The following STC1 variants were observed in gnomAD, a reference collection of about 807,000 sequenced individuals.
STC1 encodes the protein stanniocalcin-1.
Under a neutral mutation model 22.6 loss-of-function variants are expected in STC1, and 7 were observed. The ratio of observed to expected loss-of-function variants is 0.31; its 90% CI spans 0.18 to 0.58. STC1 has a LOEUF of 0.58. Among genes scored for constraint, STC1 ranks in the 20% least tolerant of loss-of-function variants. The pLI is 0.89. For missense variants in STC1, 224 were observed against 311.0 expected (o/e 0.72, Z 2.10); for synonymous variants, 113 against 120.7 (o/e 0.94, Z 0.42).
At chr8:23,847,077 T>C (rs1802582257) in intron 3 of STC1, among the ~76,000 whole-genome samples, 2 of 152,218 alleles carry the variant, frequency 1.3e-5, no homozygotes, top group African/African-American at 4.8e-5. Context: ...CCCTTCCATT[T>C]CTAGAAAGAG....
In STC1 at chr8:23,852,263, G is replaced by C; in HGVS notation, c.240C>G (p.Ser80Arg). 2.5e-6 allele frequency: 4 copies of C among 1,614,160 alleles called. No individual in the cohort carries two copies. The highest frequency in any genetic ancestry group is 3.4e-6 in the Non-Finnish European group (4 of 1,180,034). The change falls in exon 2 of 4, where the codon AGC (serine) becomes AGG (arginine). Residue 80 changes from serine to arginine, a missense_variant. Coordinates refer to ENST00000290271, the MANE Select transcript of STC1 (RefSeq NM_003155.3). ...MYDICKSFLY[S>R]AAKFDTQGKA... ...TTACCTGAGTGTCAAATTTAGCAGC[G>C]CTGTACAAGAAGGATTTACAGATGT... is the stretch of plus-strand genomic sequence containing the variant.
intron 3 of STC1, among the ~76,000 whole-genome samples, chr8:23,848,919 T>C (rs1320035371): frequency 6.6e-6 from 1 of 152,246 alleles, no homozygotes; most frequent in South Asian, 2.1e-4. Context: ...ACTCTGGATC[T>C]GGGTTGGTCT....
intron 3 of STC1, among the ~76,000 whole-genome samples, chr8:23,846,864 A>G (rs1245857392): frequency 6.6e-6 from 1 of 152,218 alleles, no homozygotes; most frequent in Admixed American, 6.5e-5. Flanking sequence ...CCAGTTTTGG[A>G]GAAACATAGA....
chr8:23,851,234 A>G, intron 3 of STC1, 86 bp downstream of exon 3: 1 of 1,332,336 alleles, frequency 7.5e-7, no homozygotes, highest in Non-Finnish European at 1.1e-6. Flanking sequence ...GACTGTGGCA[A>G]TTTAACCCTC....
At chr8:23,851,659 T>TCTTCTCATTGCAAG in intron 2 of STC1, 128 bp from the exon 3 acceptor site, 2 of 720,062 alleles carry the variant, frequency 2.8e-6, no homozygotes, top group Non-Finnish European at 4.6e-6. Flanking sequence ...ATCCTTGCAA[T>TCTTCTCATTGCAAG]GAGAAGATTG....
Position 23,845,033 on chromosome 8 carries a change from T to G in STC1, c.481A>C (p.Asn161His), listed in dbSNP as rs771067657. ...TCCAGCAGGCTTCGGACAAGTCTGT[T>G]ATAGTATCTGCATCAAGAAAGAGAG... The part of the protein sequence containing the change: ...LPNHFSNRYY[N>H]RLVRSLLECD... Residue 161 changes from asparagine to histidine, a missense_variant, in exon 4 of 4, where the codon AAC becomes CAC. Transcript: ENST00000290271. The G allele has an allele frequency of 6.2e-7, 1 of 1,613,962 alleles. No individual in the cohort carries two copies. Among genetic ancestry groups the G allele is most frequent in the Non-Finnish European group, 8.5e-7 (1 of 1,179,900 alleles).
chr8:23,851,384 T>C lies in STC1; in HGVS notation c.409A>G (p.Ile137Val). 6.2e-7 allele frequency: 1 copy of C among 1,614,192 alleles called. No homozygotes were observed. The highest frequency in any genetic ancestry group is 8.5e-7 in the Non-Finnish European group (1 of 1,180,040). Residue 137 changes from isoleucine (I) to valine (V), a missense_variant, in exon 3 of 4, where the codon ATC becomes GTC. Transcript: ENST00000290271. ...ATGGCTTCAGGGTTCCGCTTGGCGATGCTGCACACATTCAGCTTGCTGTAG... is the reference window on the plus strand; with the variant it reads ...ATGGCTTCAGGGTTCCGCTTGGCGACGCTGCACACATTCAGCTTGCTGTAG... The part of the protein sequence containing the change: ...ECYSKLNVCS[I>V]AKRNPEAITE...
At chr8:23,849,133 C>G (rs1484471348) in intron 3 of STC1, among the ~76,000 whole-genome samples, 1 of 152,208 alleles carries the variant, frequency 6.6e-6, no homozygotes, top group African/African-American at 2.4e-5. Context: ...AGCCCCAAAT[C>G]TCATGCTAGA....
At chr8:23,852,165 C>A in intron 2 of STC1, 77 bp downstream of exon 2, 1 of 1,576,730 alleles carries the variant, frequency 6.3e-7, no homozygotes, top group South Asian at 1.1e-5. Context: ...CCCTACAAGA[C>A]TGGTTCCTAA....
chr8:23,846,271 A>G (rs1802572188), intron 3 of STC1, among the ~76,000 whole-genome samples: 2 of 152,196 alleles, frequency 1.3e-5, no homozygotes, highest in African/African-American at 2.4e-5. Context: ...TTTAGGGCAT[A>G]TCAATGACTT....
chr8:23,849,488 A>G (rs573036701), intron 3 of STC1, among the ~76,000 whole-genome samples: 1 of 152,188 alleles, frequency 6.6e-6, no homozygotes, highest in African/African-American at 2.4e-5. Context: ...CTTTGTGACC[A>G]TTTTCTAAAG....
In STC1 at chr8:23,844,477, G is replaced by C; in HGVS notation, c.*293C>G. 1 of 419,436 alleles carries C rather than the reference G, an allele frequency of 2.4e-6. No individual in the cohort carries two copies. Among genetic ancestry groups the C allele is most frequent in the Non-Finnish European group, 4.4e-6 (1 of 229,856 alleles). The allele number at this position is 419,436 out of a possible 1,614,324, so 26.0% of individuals were successfully genotyped here. ...GTTACATGAATGTTTTGTGTTTGGG[G>C]GTGGTCTCAGGGGAGCAGGGGAAAA... On this transcript the variant is annotated 3_prime_UTR_variant, in exon 4 of 4. Transcript: ENST00000290271.
rs1041468827 is a variant in STC1, at chr8:23,843,557, T to C, written c.*1213A>G. On this transcript the variant is annotated 3_prime_UTR_variant, in exon 4 of 4. Coordinates refer to ENST00000290271, the MANE Select transcript of STC1 (RefSeq NM_003155.3). ...CATTTGCCAGAGTACCAGGCACCGA[T>C]GAAAGGGGACGAGTAAAGAACTGCC... 6.6e-6 allele frequency: 1 copy of C among 152,650 alleles called. No homozygotes were observed. Among genetic ancestry groups the C allele is most frequent in the African/African-American group, 2.4e-5 (1 of 41,450 alleles). 9.5% of individuals were successfully genotyped at this position (152,650 alleles called of 1,614,324 possible).
At chr8:23,854,164 G>C in intron 1 of STC1, 3 of 1,307,240 alleles carry the variant, frequency 2.3e-6, no homozygotes, top group Non-Finnish European at 3.0e-6. Context: ...AGGCAATCAG[G>C]CTAGGCTTAT....
chr8:23,847,543 G>T (rs1044119794), intron 3 of STC1, among the ~76,000 whole-genome samples: 1 of 152,218 alleles, frequency 6.6e-6, no homozygotes, highest in Non-Finnish European at 1.5e-5. Context: ...TCCATTAGTA[G>T]TTCTTCAAAG....
chr8:23,853,933 G>C, intron 1 of STC1: 7 of 787,898 alleles, frequency 8.9e-6, no homozygotes, highest in Non-Finnish European at 7.7e-6. Flanking sequence ...CTGAAAATCA[G>C]TCTGAAGAGG....
intron 3 of STC1, 132 bp from the exon 4 acceptor site, chr8:23,845,172 G>A (rs7010237): frequency 0.31 from 295,378 of 949,072 alleles, 47,789 homozygotes; most frequent in South Asian, 0.39. Flanking sequence ...TTCATCAGCT[G>A]AAGGTGGCTT....
Position 23,854,691 on chromosome 8 carries a change from G to T in STC1, c.-168C>A. Reference sequence around the variant, plus strand: ...TGTTGTTGCTGGTGATGCTGCTGCTGCCACCGGTGCCTCCGCTGCTGCTGC... The same window carrying T: ...TGTTGTTGCTGGTGATGCTGCTGCTTCCACCGGTGCCTCCGCTGCTGCTGC... On this transcript the variant is annotated 5_prime_UTR_variant, in exon 1 of 4. Coordinates refer to ENST00000290271, the MANE Select transcript of STC1 (RefSeq NM_003155.3). 1 of 725,392 alleles carries T rather than the reference G, an allele frequency of 1.4e-6. No individual in the cohort carries two copies. The highest frequency in any genetic ancestry group is 1.5e-5 in the South Asian group (1 of 68,816). 44.9% of individuals were successfully genotyped at this position (725,392 alleles called of 1,614,324 possible).
chr8:23,845,080 G>C, intron 3 of STC1, 40 bp from the exon 4 acceptor site: 1 of 1,601,194 alleles, frequency 6.2e-7, no homozygotes, highest in Non-Finnish European at 8.5e-7. Context: ...GTCACCCAGT[G>C]AGAGCCCGGC....
Sources: allele counts gnomAD v4.1 joint callset (sites outside exome capture counted in the v4.1 genomes callset), GRCh38; gene constraint gnomAD v4.1.1; transcripts MANE v1.5; gene names NCBI Gene and HGNC (gene_info 2026-07-23, HGNC 2026-07-21).